The following CDH13 variants were observed in gnomAD, a reference collection of about 807,000 sequenced individuals.
CDH13 encodes cadherin-13.
CDH13 carries 24 observed loss-of-function variants against 63.8 expected under a neutral mutation model. That is an observed-to-expected ratio of 0.38 (90% CI 0.27 to 0.53). The LOEUF is 0.53. CDH13 is among the 20% of genes least tolerant of loss of function. The pLI, the probability that CDH13 is intolerant of heterozygous loss-of-function variation, is 0.85. For missense variants in CDH13, 1,049 were observed against 903.1 expected, an observed-to-expected ratio of 1.16 and a Z score of -2.07; for synonymous variants, 503 against 355.3, an observed-to-expected ratio of 1.42 and a Z score of -4.67.
intron 6 of CDH13, among the ~76,000 whole-genome samples, chr16:83,420,235 G>A (rs2071676353): frequency 6.6e-6 from 1 of 152,146 alleles, no homozygotes; most frequent in Admixed American, 6.5e-5. Context: ...CAATTGTAGA[G>A]GTAATTAAAA....
chr16:82,790,609 T>G (rs9989405), intron 1 of CDH13, among the ~76,000 whole-genome samples: 2 of 152,092 alleles, frequency 1.3e-5, no homozygotes, highest in African/African-American at 4.8e-5. Context: ...TCACGTTGCT[T>G]TAAGGAAATA....
At chr16:82,864,574 G>A (rs569268937) in intron 2 of CDH13, among the ~76,000 whole-genome samples, 1 of 152,176 alleles carries the variant, frequency 6.6e-6, no homozygotes, top group South Asian at 2.1e-4. Flanking sequence ...TCACTATAAT[G>A]AGAACAGCAT....
intron 1 of CDH13, among the ~76,000 whole-genome samples, chr16:82,794,792 A>G (rs1316596837): frequency 1.3e-5 from 2 of 152,208 alleles, no homozygotes; most frequent in African/African-American, 4.8e-5. Context: ...AGAATAATTT[A>G]AACCAGTTTT....
intron 2 of CDH13, among the ~76,000 whole-genome samples, chr16:83,019,162 C>G (rs1915099812): frequency 6.6e-6 from 1 of 152,180 alleles, no homozygotes. Flanking sequence ...CTTGTGGTAA[C>G]ACTTAGCTTA....
intron 3 of CDH13, among the ~76,000 whole-genome samples, chr16:83,033,662 A>G (rs952227244): frequency 3.9e-5 from 6 of 152,190 alleles, no homozygotes; most frequent in African/African-American, 7.2e-5. Context: ...TCCCACACAT[A>G]TGCATACACT....
intron 2 of CDH13, among the ~76,000 whole-genome samples, chr16:82,922,512 C>T (rs1482356151): frequency 6.6e-6 from 1 of 152,150 alleles, no homozygotes; most frequent in South Asian, 2.1e-4. Context: ...CAGATTTAGA[C>T]CCTAATTCTG....
chr16:83,545,338 G>C (rs1253688353), intron 7 of CDH13, among the ~76,000 whole-genome samples: 2 of 152,216 alleles, frequency 1.3e-5, no homozygotes, highest in East Asian at 1.9e-4. Context: ...TGCTAAATTA[G>C]ATATTTACAA....
At chr16:83,575,145 G>A (rs1357790338) in intron 7 of CDH13, among the ~76,000 whole-genome samples, 1 of 152,170 alleles carries the variant, frequency 6.6e-6, no homozygotes, top group Non-Finnish European at 1.5e-5. Context: ...CGGCAGCCAT[G>A]GAAAATGAAG....
chr16:83,323,870 T>G (rs1020930097), intron 5 of CDH13, among the ~76,000 whole-genome samples: 1 of 152,138 alleles, frequency 6.6e-6, no homozygotes. Flanking sequence ...TCTGAGATAG[T>G]TATTTCCTCA....
intron 2 of CDH13, among the ~76,000 whole-genome samples, chr16:83,011,003 G>A (rs372488750): frequency 3.0e-4 from 46 of 152,180 alleles, no homozygotes; most frequent in East Asian, 1.4e-3. Flanking sequence ...CAACATCGTC[G>A]CCTAATTTTA....
intron 4 of CDH13, among the ~76,000 whole-genome samples, chr16:83,181,970 T>C (rs908670052): frequency 1.3e-5 from 2 of 152,158 alleles, no homozygotes; most frequent in Non-Finnish European, 2.9e-5. Context: ...ATTAATTAGC[T>C]GCACACAGAA....
intron 7 of CDH13, among the ~76,000 whole-genome samples, chr16:83,587,987 C>T (rs1906336293): frequency 6.6e-6 from 1 of 151,490 alleles, no homozygotes; most frequent in African/African-American, 2.4e-5. Flanking sequence ...CCAAACCTCA[C>T]CACATGAGGA....
In CDH13 at chr16:82,706,421, G is replaced by A. The variant is rs183713753; in HGVS notation, c.45+79284G>A. Among the ~76,000 whole-genome samples the A allele has an allele frequency of 3.0e-3, 453 of 152,292 alleles. 2 individuals are homozygous for A. The highest frequency in any genetic ancestry group is 0.01 in the African/African-American group (435 of 41,568). On this transcript the variant is annotated intron_variant, in intron 1 of 13. Transcript: ENST00000567109. ...GATAAGGGATGAGACAGACTCAGCA[G>A]CCGTTTCATGCCAGGGCAGAGTAGA...
At chr16:83,716,085 G>C (rs79296488) in intron 10 of CDH13, among the ~76,000 whole-genome samples, 1,901 of 152,122 alleles carry the variant, frequency 0.012, 48 homozygotes, top group African/African-American at 0.044. Flanking sequence ...ACTTAGACTT[G>C]CCCACTTTTT....
rs1458298771 is a variant in CDH13 at position 83,438,032 on chromosome 16, T to C, written c.782-48445T>C. Among the ~76,000 whole-genome samples the C allele has an allele frequency of 7.2e-5, 11 of 152,176 alleles. No individual in the cohort carries two copies. In the East Asian group the frequency reaches 2.1e-3, roughly 29 times the overall value. ...TTCAGCCACCCACCCCTCACCGGTC[T>C]CCCTACTCTCCCCTGTGCTAGAGTG... On this transcript the variant is annotated intron_variant, in intron 6 of 13. Coordinates refer to ENST00000567109, the MANE Select transcript of CDH13 (RefSeq NM_001257.5).
chr16:83,575,420 AG>A (rs1905019628), intron 7 of CDH13, among the ~76,000 whole-genome samples: 1 of 152,214 alleles, frequency 6.6e-6, no homozygotes, highest in Non-Finnish European at 1.5e-5. Flanking sequence ...TCACCACCGC[AG>A]GGATCCTTTT....
At chr16:83,442,468 T>G (rs796256236) in intron 6 of CDH13, among the ~76,000 whole-genome samples, 8 of 152,356 alleles carry the variant, frequency 5.3e-5, no homozygotes, top group African/African-American at 1.9e-4. Context: ...GCTGATGCTT[T>G]TCTCCTGAAT....
chr16:82,738,839 G>T (rs552023953), intron 1 of CDH13, among the ~76,000 whole-genome samples: 2 of 152,142 alleles, frequency 1.3e-5, no homozygotes, highest in Admixed American at 1.3e-4. Context: ...TTTGACTAAT[G>T]TTATTCATGA....
chr16:82,930,278 G>A (rs2042447935), intron 2 of CDH13, among the ~76,000 whole-genome samples: 1 of 151,944 alleles, frequency 6.6e-6, no homozygotes, highest in Non-Finnish European at 1.5e-5. Flanking sequence ...CGTCCGGCCT[G>A]TTCTTTATGT....
Sources: allele counts gnomAD v4.1 joint callset (sites outside exome capture counted in the v4.1 genomes callset), GRCh38; gene constraint gnomAD v4.1.1; transcripts MANE v1.5; gene names NCBI Gene and HGNC (gene_info 2026-07-23, HGNC 2026-07-21).